COG5: variants seen among roughly 807,000 people sequenced by gnomAD.
COG5 encodes component of oligomeric golgi complex 5, also known as conserved oligomeric Golgi complex subunit 5.
A neutral mutation model predicts 110.4 loss-of-function variants in COG5; 86 were observed. The observed-to-expected ratio is 0.78, with a 90% confidence interval of 0.65 to 0.93. The LOEUF is 0.93. COG5 is among the 40% of genes least tolerant of loss of function. The probability of loss-of-function intolerance (pLI) is 0.00; values close to 1 mark genes in which losing one functional copy is unlikely to be tolerated. For synonymous variants in COG5, 360 were observed against 334.6 expected, an observed-to-expected ratio of 1.08 and a Z score of -0.83; for missense variants, 1,077 against 987.0, an observed-to-expected ratio of 1.09 and a Z score of -1.22.
At chr7:107,423,561 C>G (rs1328196416) in intron 6 of COG5, among the ~76,000 whole-genome samples, 41 of 150,842 alleles carry the variant, frequency 2.7e-4, no homozygotes, top group Admixed American at 2.7e-3. Context: ...AGTAGGGAAA[C>G]AAAGAATGCT....
At chr7:107,517,417 A>G (rs1274273258) in intron 6 of COG5, among the ~76,000 whole-genome samples, 2 of 152,138 alleles carry the variant, frequency 1.3e-5, no homozygotes, top group African/African-American at 4.8e-5. Context: ...GTTGGAAAAG[A>G]CTCTTCAGGA....
At chr7:107,424,160 C>T (rs1278973700) in intron 6 of COG5, among the ~76,000 whole-genome samples, 1 of 151,942 alleles carries the variant, frequency 6.6e-6, no homozygotes, top group East Asian at 1.9e-4. Context: ...GTAGTACCAG[C>T]TACTCGGGAG....
chr7:107,542,503 A>T (rs1351346671), intron 5 of COG5, among the ~76,000 whole-genome samples: 2 of 152,218 alleles, frequency 1.3e-5, no homozygotes, highest in African/African-American at 2.4e-5. Flanking sequence ...ATAACCCAGA[A>T]ATCTCACTCC....
At chr7:107,323,702 T>G (rs534264580) in intron 11 of COG5, among the ~76,000 whole-genome samples, 1 of 152,308 alleles carries the variant, frequency 6.6e-6, no homozygotes, top group South Asian at 2.1e-4. Flanking sequence ...CAGACTAGTT[T>G]ATTTAACTCT....
intron 7 of COG5, among the ~76,000 whole-genome samples, chr7:107,390,646 T>A (rs1790554816): frequency 6.6e-6 from 1 of 151,414 alleles, no homozygotes; most frequent in African/African-American, 2.4e-5. Flanking sequence ...AACAGCCATA[T>A]GGAAGGGTAT....
intron 1 of COG5, among the ~76,000 whole-genome samples, chr7:107,560,211 C>G (rs1341766965): frequency 1.3e-5 from 2 of 152,128 alleles, no homozygotes; most frequent in African/African-American, 4.8e-5. Flanking sequence ...TGGTAATCAG[C>G]AAACACTACA....
chr7:107,302,524 T>C (rs950270308), intron 11 of COG5, among the ~76,000 whole-genome samples: 3 of 152,220 alleles, frequency 2.0e-5, no homozygotes, highest in Non-Finnish European at 4.4e-5. Flanking sequence ...GTGTTGTTTA[T>C]TGTATGCCAG....
chr7:107,468,006 G>C (rs1045060120), intron 6 of COG5, among the ~76,000 whole-genome samples: 2 of 152,084 alleles, frequency 1.3e-5, no homozygotes, highest in African/African-American at 4.8e-5. Context: ...GTTAAACAAA[G>C]CACAAAAATA....
intron 7 of COG5, among the ~76,000 whole-genome samples, chr7:107,377,034 C>T (rs530202215): frequency 1.3e-5 from 2 of 152,134 alleles, no homozygotes; most frequent in African/African-American, 4.8e-5. Context: ...ATTTTACTTC[C>T]TTACAATATT....
intron 14 of COG5, among the ~76,000 whole-genome samples, chr7:107,259,769 T>C (rs62483640): frequency 6.6e-6 from 1 of 152,010 alleles, no homozygotes; most frequent in Admixed American, 6.6e-5. Context: ...TATTTCAATT[T>C]GTTTTGTGTG....
At chr7:107,458,237 C>G (rs1376610382) in intron 6 of COG5, among the ~76,000 whole-genome samples, 1 of 152,184 alleles carries the variant, frequency 6.6e-6, no homozygotes, top group Non-Finnish European at 1.5e-5. Flanking sequence ...AAAGCTGTCA[C>G]AGTAAGTTCT....
intron 6 of COG5, among the ~76,000 whole-genome samples, chr7:107,416,942 T>C (rs778383422): frequency 1.3e-5 from 2 of 152,198 alleles, no homozygotes; most frequent in Non-Finnish European, 2.9e-5. Context: ...GGAAATTATA[T>C]AACCCCATAA....
chr7:107,304,671 G>A (rs1258093124), intron 11 of COG5, among the ~76,000 whole-genome samples: 1 of 152,114 alleles, frequency 6.6e-6, no homozygotes. Flanking sequence ...GACTAGCTGT[G>A]CCTAAACCTC....
intron 6 of COG5, among the ~76,000 whole-genome samples, chr7:107,510,362 T>C (rs1053988504): frequency 6.6e-6 from 1 of 152,180 alleles, no homozygotes; most frequent in African/African-American, 2.4e-5. Context: ...CCTAAATGTA[T>C]ATGCACCTAA....
At chr7:107,209,631 A>T (rs917489755) in intron 21 of COG5, 3 of 172,650 alleles carry the variant, frequency 1.7e-5, no homozygotes, top group Non-Finnish European at 3.5e-5. Context: ...TCAGCAAATG[A>T]CACACAAAAA....
chr7:107,556,990 G>A (rs1020711372), intron 2 of COG5, among the ~76,000 whole-genome samples: 1 of 151,890 alleles, frequency 6.6e-6, no homozygotes, highest in African/African-American at 2.4e-5. Context: ...AGGCTGGTCT[G>A]GAACTCCTGA....
chr7:107,347,497 T>C (rs980243334), intron 10 of COG5, among the ~76,000 whole-genome samples: 2 of 152,228 alleles, frequency 1.3e-5, no homozygotes, highest in Non-Finnish European at 2.9e-5. Flanking sequence ...AATGTGAAGA[T>C]AAACAATAGA....
chr7:107,517,168 T>G (rs577970024), intron 6 of COG5, among the ~76,000 whole-genome samples: 1 of 152,198 alleles, frequency 6.6e-6, no homozygotes, highest in African/African-American at 2.4e-5. Flanking sequence ...CATTAATGAC[T>G]TGATGCAGCT....
chr7:107,216,097 G>C (rs1314049304), intron 19 of COG5, among the ~76,000 whole-genome samples: 1 of 152,062 alleles, frequency 6.6e-6, no homozygotes, highest in Non-Finnish European at 1.5e-5. Context: ...GAGAGAGGCA[G>C]GACTAGCTAT....
Sources: allele counts gnomAD v4.1 joint callset (sites outside exome capture counted in the v4.1 genomes callset), GRCh38; gene constraint gnomAD v4.1.1; transcripts MANE v1.5; gene names NCBI Gene and HGNC (gene_info 2026-07-23, HGNC 2026-07-21).